The following MAP6 variants were observed in gnomAD, a reference collection of about 807,000 sequenced individuals.
The protein encoded by MAP6 is microtubule associated protein 6, also known as microtubule-associated protein 6.
Under a neutral mutation model 42.4 loss-of-function variants are expected in MAP6, and 26 were observed. The ratio of observed to expected loss-of-function variants is 0.61; its 90% CI spans 0.45 to 0.85. The LOEUF (loss-of-function observed/expected upper bound fraction) is 0.85, where lower values mean the gene tolerates loss of function less well. Ranked by LOEUF, MAP6 falls within the 40% of genes least tolerant of loss-of-function variation. MAP6 has a pLI of 0.00. For synonymous variants in MAP6, 418 were observed against 443.8 expected (o/e 0.94, Z 0.73); for missense variants, 966 against 1,099.0 (o/e 0.88, Z 1.71).
chr11:75,616,636 T>C (rs1942999053), intron 1 of MAP6, among the ~76,000 whole-genome samples: 1 of 152,210 alleles, frequency 6.6e-6, no homozygotes, highest in African/African-American at 2.4e-5. Context: ...GGGTTGCAAG[T>C]GGCATAGAGA....
intron 1 of MAP6, among the ~76,000 whole-genome samples, chr11:75,660,093 T>C (rs1344924935): frequency 6.6e-6 from 1 of 152,194 alleles, no homozygotes; most frequent in Non-Finnish European, 1.5e-5. Context: ...GACAAGTTTC[T>C]CTCCTGGCTT....
At chr11:75,659,023 C>A (rs1374769241) in intron 1 of MAP6, among the ~76,000 whole-genome samples, 1 of 152,196 alleles carries the variant, frequency 6.6e-6, no homozygotes, top group Non-Finnish European at 1.5e-5. Context: ...GAGCAGGGAC[C>A]ACTTTGTCAT....
chr11:75,614,559 C>T (rs1291258548), intron 1 of MAP6, among the ~76,000 whole-genome samples: 2 of 152,152 alleles, frequency 1.3e-5, no homozygotes, highest in Admixed American at 6.5e-5. Context: ...TGGAGAGGCC[C>T]ATGTCGGGAG....
chr11:75,590,070 G>A (rs1217857784), intron 3 of MAP6, among the ~76,000 whole-genome samples: 7 of 152,150 alleles, frequency 4.6e-5, no homozygotes, highest in Admixed American at 4.6e-4. Context: ...GATAGACACA[G>A]TTGGCTGCTA....
At chr11:75,625,446 G>A (rs1340350863) in intron 1 of MAP6, among the ~76,000 whole-genome samples, 3 of 152,136 alleles carry the variant, frequency 2.0e-5, no homozygotes, top group African/African-American at 7.2e-5. Flanking sequence ...GAAGAGAAGA[G>A]GATGTTGGGG....
Position 75,667,895 on chromosome 11 carries a change from C to G in MAP6, c.475G>C (p.Asp159His). ...CGCGGCAGCGGCCAGGCGCGGAAGT[C>G]CTTCTGGTACTGGGTCTCGCGCTCG... ...PFERETQYQKDFRAWPLPRRG... is the reference protein window; with the variant it reads ...PFERETQYQKHFRAWPLPRRG... The change falls in exon 1 of 4, where the codon GAC (aspartate) becomes CAC (histidine). Residue 159 changes from aspartate to histidine, a missense_variant. By Grantham distance (81) the Asp-to-His change is moderately conservative. Transcript: ENST00000304771. This position sits in a 1 kb window ranked among gnomAD's most constrained non-coding sequence, Gnocchi z 5.6. The G allele has an allele frequency of 1.4e-6, 2 of 1,439,610 alleles. No homozygotes were observed. The highest frequency in any genetic ancestry group is 1.8e-6 in the Non-Finnish European group (2 of 1,093,276). The allele number at this position is 1,439,610 out of a possible 1,614,324, so 89.2% of individuals were successfully genotyped here.
intron 1 of MAP6, among the ~76,000 whole-genome samples, chr11:75,631,336 C>A (rs184263621): frequency 3.3e-5 from 5 of 152,354 alleles, no homozygotes; most frequent in African/African-American, 1.2e-4. Flanking sequence ...AAGAACTACC[C>A]TCCCTAAGCC....
At chr11:75,604,223 C>T (rs530768440) in intron 3 of MAP6, 17 of 985,838 alleles carry the variant, frequency 1.7e-5, no homozygotes, top group African/African-American at 5.2e-5. Flanking sequence ...ATGTAGCACA[C>T]GCCGAATTAA....
At chr11:75,616,543 G>C (rs942616084) in intron 1 of MAP6, among the ~76,000 whole-genome samples, 1 of 152,218 alleles carries the variant, frequency 6.6e-6, no homozygotes, top group African/African-American at 2.4e-5. Flanking sequence ...ACTGAATGCT[G>C]TCGGTTGCCA....
chr11:75,593,959 G>A (rs1455124705), intron 3 of MAP6: 1 of 145,628 alleles, frequency 6.9e-6, no homozygotes, highest in Admixed American at 7.0e-5. Context: ...ATCTACAAAA[G>A]GAAGATTAGA....
chr11:75,643,369 C>T (rs1163618302), intron 1 of MAP6, among the ~76,000 whole-genome samples: 1 of 152,030 alleles, frequency 6.6e-6, no homozygotes, highest in Non-Finnish European at 1.5e-5. Flanking sequence ...TACTATAAAT[C>T]CTTGATTTAC....
At position 75,667,365 on chromosome 11, in the gene MAP6, G is replaced by T; in HGVS notation, c.905+100C>A. On this transcript the variant is annotated intron_variant, in intron 1 of 3. Transcript: ENST00000304771. The surrounding 1 kb of genome is among the most constrained non-coding windows in gnomAD (Gnocchi z 5.6). ...AGGGTGTGGCCTGGGACTGGAGGGA[G>T]GCTGCACGCTAGGCCTGCGCTGGGG... The T allele has an allele frequency of 8.8e-7, 1 of 1,141,184 alleles. No homozygotes were observed. The highest frequency in any genetic ancestry group is 1.2e-6 in the Non-Finnish European group (1 of 863,286). 70.7% of individuals were successfully genotyped at this position (1,141,184 alleles called of 1,614,324 possible). A position where few individuals can be genotyped will look rare whatever the true frequency, so the allele number is the denominator to read the frequency against.
At chr11:75,603,747 G>A (rs1347929366) in intron 3 of MAP6, 11 of 984,992 alleles carry the variant, frequency 1.1e-5, no homozygotes, top group Non-Finnish European at 1.2e-5. Context: ...ACCACGCCTA[G>A]CACAGTGCCT....
At chr11:75,642,857 A>G (rs934209898) in intron 1 of MAP6, 1 of 483,204 alleles carries the variant, frequency 2.1e-6, no homozygotes, top group Non-Finnish European at 4.2e-6. Flanking sequence ...AACACACCTA[A>G]ATCCAAGAGG....
At position 75,667,795 on chromosome 11, in the gene MAP6, C is replaced by T. The variant is rs1248790321; in HGVS notation, c.575G>A (p.Gly192Glu). 7.6e-7 allele frequency: 1 copy of T among 1,309,216 alleles called. No individual in the cohort carries two copies. The allele number at this position is 1,309,216 out of a possible 1,614,324, so 81.1% of individuals were successfully genotyped here. ...AASQASAPIL[G>E]APKRRPQSQE... ...GCTCTGCGGCCGGCGCTTGGGCGCC[C>T]CGAGAATGGGCGCCGACGCCTGGGA... Residue 192 changes from glycine to glutamate, a missense_variant, in exon 1 of 4, where the codon GGG (glycine) becomes GAG (glutamate). By Grantham distance (98) the Gly-to-Glu change is moderately conservative. Transcript: ENST00000304771. The surrounding 1 kb of genome is among the most constrained non-coding windows in gnomAD (Gnocchi z 5.6).
intron 3 of MAP6, chr11:75,604,509 G>C (rs1175237327): frequency 2.0e-6 from 2 of 985,430 alleles, no homozygotes; most frequent in Non-Finnish European, 2.4e-6. Context: ...AAGGACAGGA[G>C]ATACAGAGTG....
chr11:75,656,523 T>G (rs575072930), intron 1 of MAP6, among the ~76,000 whole-genome samples: 1 of 152,228 alleles, frequency 6.6e-6, no homozygotes, highest in Non-Finnish European at 1.5e-5. Context: ...GTGAGGCCTA[T>G]GCTCCTGCTC....
intron 3 of MAP6, among the ~76,000 whole-genome samples, chr11:75,599,267 C>T (rs1025758445): frequency 1.3e-5 from 2 of 152,094 alleles, no homozygotes; most frequent in East Asian, 3.9e-4. Context: ...TAATTGAGGC[C>T]CATTACATGA....
intron 3 of MAP6, among the ~76,000 whole-genome samples, chr11:75,591,904 T>C (rs1942483226): frequency 6.6e-6 from 1 of 152,258 alleles, no homozygotes; most frequent in African/African-American, 2.4e-5. Flanking sequence ...GCGTCTGGAA[T>C]AACAATTCTT....
Sources: allele counts gnomAD v4.1 joint callset (sites outside exome capture counted in the v4.1 genomes callset), GRCh38; gene constraint gnomAD v4.1.1; non-coding constraint Gnocchi (gnomAD v3.1); transcripts MANE v1.5; gene names NCBI Gene and HGNC (gene_info 2026-07-23, HGNC 2026-07-21).